The following DEPTOR variants were observed in gnomAD, a reference collection of about 807,000 sequenced individuals.
The protein encoded by DEPTOR is DEP domain-containing mTOR-interacting protein.
A neutral mutation model predicts 41.6 loss-of-function variants in DEPTOR; 41 were observed. The ratio of observed to expected loss-of-function variants is 0.98; its 90% CI spans 0.77 to 1.28. The LOEUF (loss-of-function observed/expected upper bound fraction) is 1.28. Among genes scored for constraint, DEPTOR ranks in the 50% most tolerant of loss-of-function variants. The pLI, the probability that DEPTOR is intolerant of heterozygous loss-of-function variation, is 0.00. For missense variants in DEPTOR, 514 were observed against 527.9 expected (o/e 0.97, Z 0.26); for synonymous variants, 195 against 192.3 (o/e 1.01, Z -0.12).
At position 120,003,096 on chromosome 8, in the gene DEPTOR, T is replaced by A; in HGVS notation, c.910T>A (p.Cys304Ser). 1 of 1,612,656 alleles carries A rather than the reference T, an allele frequency of 6.2e-7. No individual in the cohort carries two copies. The highest frequency in any genetic ancestry group is 8.5e-7 in the Non-Finnish European group (1 of 1,179,934). The change falls in exon 6 of 9, where the codon TGC (cysteine) becomes AGC (serine). Residue 304 changes from cysteine (C) to serine (S), a missense_variant. Coordinates refer to ENST00000286234, the MANE Select transcript of DEPTOR (RefSeq NM_022783.4). ...CCTCAGCAGCAGCCCCCCTGTGCTCTGCAACCCCAAGTCCGGTGAGTGCCC... is the reference window on the plus strand; with the variant it reads ...CCTCAGCAGCAGCCCCCCTGTGCTCAGCAACCCCAAGTCCGGTGAGTGCCC... ...PTLSSSPPVL[C>S]NPKSVLKRPV...
chr8:119,897,446 T>G (rs1489765123), intron 1 of DEPTOR, among the ~76,000 whole-genome samples: 1 of 152,130 alleles, frequency 6.6e-6, no homozygotes, highest in Non-Finnish European at 1.5e-5. Flanking sequence ...GGCAGGCGAA[T>G]CATTTGAACC....
chr8:119,895,787 C>G (rs1051345257), intron 1 of DEPTOR, among the ~76,000 whole-genome samples: 14 of 152,278 alleles, frequency 9.2e-5, no homozygotes, highest in African/African-American at 3.4e-4. Flanking sequence ...CCTATTCATT[C>G]ATATATCCAG....
At chr8:119,882,069 T>C (rs1236577465) in intron 1 of DEPTOR, among the ~76,000 whole-genome samples, 1 of 152,142 alleles carries the variant, frequency 6.6e-6, no homozygotes, top group Non-Finnish European at 1.5e-5. Flanking sequence ...TTTTTAATTT[T>C]TAGTAGAGAT....
chr8:119,899,162 A>G (rs975610232), intron 1 of DEPTOR, among the ~76,000 whole-genome samples: 1 of 151,986 alleles, frequency 6.6e-6, no homozygotes, highest in African/African-American at 2.4e-5. Context: ...AGAGTGATTT[A>G]TTCATTTTGT....
In DEPTOR at chr8:119,891,321, C is replaced by T. The variant is rs950714137; in HGVS notation, c.122+17353C>T. 6 of 152,074 alleles carry T rather than the reference C, an allele frequency of 3.9e-5. No individual in the cohort carries two copies. The East Asian group carries it at 5.8e-4, about 15-fold the overall frequency. 9.4% of individuals were successfully genotyped at this position (152,074 alleles called of 1,614,324 possible). A position where few individuals can be genotyped will look rare whatever the true frequency, so the allele number is the denominator to read the frequency against. ...CTTTTATAGTCTTACAATGGCCACC[C>T]GCAGCAATCAAGACTGAAGACGGGG... On this transcript the variant is annotated intron_variant, in intron 1 of 8. Coordinates refer to ENST00000286234, the MANE Select transcript of DEPTOR (RefSeq NM_022783.4).
At chr8:120,036,379 C>T (rs912899654) in intron 8 of DEPTOR, among the ~76,000 whole-genome samples, 5 of 152,198 alleles carry the variant, frequency 3.3e-5, no homozygotes, top group Admixed American at 1.3e-4. Flanking sequence ...AGCCCTATAG[C>T]ATGCTTAAAA....
chr8:119,921,883 C>T (rs1421209586), intron 1 of DEPTOR, among the ~76,000 whole-genome samples: 2 of 151,822 alleles, frequency 1.3e-5, no homozygotes, highest in Admixed American at 1.3e-4. Flanking sequence ...GTTTCAGCCT[C>T]CCAAGTAGCT....
At chr8:120,048,278 A>C (rs1298218499) in intron 8 of DEPTOR, among the ~76,000 whole-genome samples, 1 of 152,170 alleles carries the variant, frequency 6.6e-6, no homozygotes, top group Non-Finnish European at 1.5e-5. Flanking sequence ...AAGGAGGTGA[A>C]ATTCTTCTCA....
chr8:120,002,791 A>AAATATATATATATATATATATATATATAT, intron 5 of DEPTOR, among the ~76,000 whole-genome samples, 186 bp from the exon 6 acceptor site: 2 of 60,666 alleles, frequency 3.3e-5, no homozygotes, highest in Non-Finnish European at 2.9e-5. Context: ...AAAAAAAAAA[A>AAATATATATATATATATATATATATATAT]ATATATATAT....
At chr8:119,874,206 G>GCTGCGCC in intron 1 of DEPTOR, 1 of 581,606 alleles carries the variant, frequency 1.7e-6, no homozygotes, top group Non-Finnish European at 2.9e-6. Flanking sequence ...GGTGGTGCGC[G>GCTGCGCC]CTGCGCCCTA....
At chr8:119,967,603 C>G (rs1024494097) in intron 4 of DEPTOR, among the ~76,000 whole-genome samples, 1 of 150,944 alleles carries the variant, frequency 6.6e-6, no homozygotes, top group Non-Finnish European at 1.5e-5. Context: ...AAATACAAAA[C>G]ATTAGCTGGG....
chr8:119,966,108 T>C (rs1014112690), intron 4 of DEPTOR, among the ~76,000 whole-genome samples: 1 of 152,216 alleles, frequency 6.6e-6, no homozygotes, highest in Admixed American at 6.5e-5. Flanking sequence ...TTACAGAGTG[T>C]TTACATTGTA....
intron 3 of DEPTOR, among the ~76,000 whole-genome samples, chr8:119,957,770 G>T (rs1416883694): frequency 2.0e-5 from 3 of 152,008 alleles, no homozygotes; most frequent in Non-Finnish European, 4.4e-5. Flanking sequence ...TGTATTTTTA[G>T]TAAAGACAGG....
intron 4 of DEPTOR, among the ~76,000 whole-genome samples, chr8:119,989,454 G>C (rs912821039): frequency 2.0e-5 from 3 of 152,184 alleles, no homozygotes; most frequent in African/African-American, 7.2e-5. Context: ...ATGGGAGGCA[G>C]TCTAGTGTGG....
chr8:119,940,285 G>A (rs908973720), intron 3 of DEPTOR, among the ~76,000 whole-genome samples: 5 of 152,016 alleles, frequency 3.3e-5, no homozygotes, highest in African/African-American at 7.2e-5. Flanking sequence ...TTTTGGGTAT[G>A]TACCCAAAAG....
At chr8:120,018,343 C>T (rs755428565) in intron 8 of DEPTOR, among the ~76,000 whole-genome samples, 1 of 151,968 alleles carries the variant, frequency 6.6e-6, no homozygotes, top group Non-Finnish European at 1.5e-5. Context: ...TTTGGGAGGC[C>T]GAGGCAGGCG....
chr8:120,025,248 C>T (rs1166678837), intron 8 of DEPTOR, among the ~76,000 whole-genome samples: 1 of 152,174 alleles, frequency 6.6e-6, no homozygotes, highest in Admixed American at 6.5e-5. Flanking sequence ...CATATTTTGG[C>T]ATATTTGGAC....
chr8:119,927,582 C>CATATATATTATATATATATAAAT (rs1022730975), intron 1 of DEPTOR, among the ~76,000 whole-genome samples: 28 of 146,696 alleles, frequency 1.9e-4, no homozygotes, highest in African/African-American at 6.9e-4. Context: ...TATATATATA[C>CATATATATTATATATATATAAAT]ATATATATTA....
At chr8:119,913,983 C>T (rs1267525248) in intron 1 of DEPTOR, among the ~76,000 whole-genome samples, 1 of 151,890 alleles carries the variant, frequency 6.6e-6, no homozygotes, top group African/African-American at 2.4e-5. Flanking sequence ...GTTTAAATTC[C>T]TTCCCCATCA....
Sources: gnomAD v4.1 joint callset for allele counts (sites outside exome capture counted in the v4.1 genomes callset) on GRCh38, gnomAD v4.1.1 for gene constraint, MANE v1.5 for transcripts, NCBI Gene and HGNC (gene_info 2026-07-23, HGNC 2026-07-21) for gene names.